Variants in ZNF79 observed in about 807,000 individuals in gnomAD.
The protein encoded by ZNF79 is zinc finger protein 79.
A neutral mutation model predicts 14.9 loss-of-function variants in ZNF79; 13 were observed. That is an observed-to-expected ratio of 0.87 (90% confidence interval 0.57 to 1.38). The LOEUF (loss-of-function observed/expected upper bound fraction) is 1.38, where lower values mean the gene tolerates loss of function less well. Among genes scored for constraint, ZNF79 ranks in the 40% most tolerant of loss-of-function variants. The probability of loss-of-function intolerance (pLI) is 0.00; values close to 1 mark genes in which losing one functional copy is unlikely to be tolerated. For synonymous variants in ZNF79, 223 were observed against 235.1 expected (o/e 0.95, Z 0.47); for missense variants, 631 against 630.6 (o/e 1.00, Z -0.01).
chr9:127,433,571 CAG>C (rs1833897063), intron 2 of ZNF79, among the ~76,000 whole-genome samples: 1 of 152,196 alleles, frequency 6.6e-6, no homozygotes. Context: ...ATGCATTACA[CAG>C]AGTAGGTGCC....
At chr9:127,434,047 A>T (rs1833903916) in intron 2 of ZNF79, among the ~76,000 whole-genome samples, 1 of 152,264 alleles carries the variant, frequency 6.6e-6, no homozygotes, top group East Asian at 1.9e-4. Context: ...GGCTTTTTAC[A>T]TTCTGACCTC....
chr9:127,437,904 A>G (rs1833977929), intron 4 of ZNF79, among the ~76,000 whole-genome samples: 1 of 152,084 alleles, frequency 6.6e-6, no homozygotes, highest in African/African-American at 2.4e-5. Context: ...TGAGGTTGAC[A>G]TGATGTGGGG....
In ZNF79 at chr9:127,444,408, C is replaced by T. The variant is rs1398419428; in HGVS notation, c.708C>T (p.Leu236=). The change falls in exon 5 of 5, where the codon CTC becomes CTT. Residue 236 remains leucine (L), a synonymous_variant. Coordinates refer to ENST00000342483, the MANE Select transcript of ZNF79 (RefSeq NM_007135.3). ...AGGCCTTCAGCCAGAGCTCATCTCT[C>T]ATTCAGCACCAGAGGATTCACACTG... ...CGKAFSQSSS[L]IQHQRIHTGE... is the part of the protein sequence containing the mutation. 4.3e-6 allele frequency: 7 copies of T among 1,612,354 alleles called. No individual in the cohort carries two copies. Among genetic ancestry groups the T allele is most frequent in the South Asian group, 1.1e-5 (1 of 90,950 alleles).
intron 3 of ZNF79, 86 bp downstream of exon 3, chr9:127,435,302 C>A: frequency 7.0e-7 from 1 of 1,432,984 alleles, no homozygotes. Flanking sequence ...GGGTTTCTGA[C>A]TGGTGTGATG....
rs1833929020 is a variant in ZNF79 at position 127,435,335 on chromosome 9, C to T, written c.232+119C>T. On this transcript the variant is annotated intron_variant, in intron 3 of 4. Coordinates refer to ENST00000342483, the MANE Select transcript of ZNF79 (RefSeq NM_007135.3). Reference sequence around the variant, plus strand: ...ATGTACCAGAGGGATGGTGTTTATTCCTCTTGTTCTCTTGGGGAAGGTCTC... The same window carrying T: ...ATGTACCAGAGGGATGGTGTTTATTTCTCTTGTTCTCTTGGGGAAGGTCTC... 9 of 1,227,268 alleles carry T rather than the reference C, an allele frequency of 7.3e-6. No individual in the cohort carries two copies. The South Asian group carries it at 1.6e-4, about 21-fold the overall frequency. 76.0% of individuals were successfully genotyped at this position (1,227,268 alleles called of 1,614,324 possible).
intron 2 of ZNF79, among the ~76,000 whole-genome samples, chr9:127,429,966 C>T (rs553637283): frequency 1.1e-4 from 16 of 151,910 alleles, no homozygotes; most frequent in African/African-American, 3.9e-4. Context: ...ACAGGTGCGC[C>T]CTACCACGCC....
At chr9:127,441,347 T>C (rs960077123) in intron 4 of ZNF79, among the ~76,000 whole-genome samples, 2 of 152,186 alleles carry the variant, frequency 1.3e-5, no homozygotes, top group African/African-American at 4.8e-5. Context: ...CTGGGTCCTT[T>C]ATGTGTCTTA....
At chr9:127,436,841 G>A (rs186136363) in intron 4 of ZNF79, among the ~76,000 whole-genome samples, 1 of 152,284 alleles carries the variant, frequency 6.6e-6, no homozygotes, top group East Asian at 1.9e-4. Context: ...TGGATCACCT[G>A]AGGTTAGGAG....
At chr9:127,433,039 C>T (rs1833888057) in intron 2 of ZNF79, among the ~76,000 whole-genome samples, 1 of 152,104 alleles carries the variant, frequency 6.6e-6, no homozygotes, top group Admixed American at 6.5e-5. Flanking sequence ...GCTTTGGCCT[C>T]CCAAAGTGCT....
At chr9:127,424,839 C>G in intron 1 of ZNF79, 36 bp downstream of exon 1, 1 of 1,613,024 alleles carries the variant, frequency 6.2e-7, no homozygotes, top group Non-Finnish European at 8.5e-7. Flanking sequence ...GTCAAGAGAT[C>G]GGCTGCTGCT....
chr9:127,424,477 T>C lies in ZNF79; in HGVS notation c.-311T>C, dbSNP rs556598792. 6 of 370,458 alleles carry C rather than the reference T, an allele frequency of 1.6e-5. No individual in the cohort carries two copies. The South Asian group carries it at 1.8e-4, about 11-fold the overall frequency. The allele number at this position is 370,458 out of a possible 1,614,324, so 22.9% of individuals were successfully genotyped here. A position where few individuals can be genotyped will look rare whatever the true frequency, so the allele number is the denominator to read the frequency against. On this transcript the variant is annotated 5_prime_UTR_variant, in exon 1 of 5. Transcript: ENST00000342483. The stretch of plus-strand genomic sequence containing the variant: ...GCTCTCGCGGTTGCCGGTAGATTGT[T>C]GCCAGTTGCCAGTTGCCAGTCGTTT...
Position 127,444,095 on chromosome 9 carries a change from G to T in ZNF79, c.395G>T (p.Cys132Phe). ...TCTGAAGCTTCATTCCAAGACCCAT[G>T]TGTAGAGATGCCCCCTGGGGATTCA... ...ALSEASFQDP[C>F]VEMPPGDSDH... is the part of the protein sequence containing the mutation. Residue 132 changes from cysteine to phenylalanine, a missense_variant, in exon 5 of 5, where the codon TGT becomes TTT. Cys to Phe is a radical substitution (Grantham distance 205). Transcript: ENST00000342483. The T allele has an allele frequency of 6.2e-7, 1 of 1,612,618 alleles. No individual in the cohort carries two copies. Among genetic ancestry groups the T allele is most frequent in the Non-Finnish European group, 8.5e-7 (1 of 1,179,940 alleles).
rs770649809 is a variant in ZNF79, at chr9:127,444,181, C to G, written c.481C>G (p.Gln161Glu). 7 of 1,614,086 alleles carry G rather than the reference C, an allele frequency of 4.3e-6. No homozygotes were observed. The South Asian group carries it at 6.6e-5, about 15-fold the overall frequency. Residue 161 changes from glutamine (Q) to glutamate (E), a missense_variant, in exon 5 of 5, where the codon CAG becomes GAG. Transcript: ENST00000342483. The stretch of plus-strand genomic sequence containing the variant: ...TCTGAGACCAGTCCTCTCTCCGCAA[C>G]AGAGAGTGCCCGTGGAAGCGAGACC... ...FNLRPVLSPQQRVPVEARPRK... is the reference protein window; with the variant it reads ...FNLRPVLSPQERVPVEARPRK...
At chr9:127,424,987 A>T (rs1833725280) in intron 1 of ZNF79, 184 bp downstream of exon 1, 1 of 1,446,272 alleles carries the variant, frequency 6.9e-7, no homozygotes, top group Non-Finnish European at 9.1e-7. Context: ...GTGCCCCTAC[A>T]GTCCTTTTTT....
At chr9:127,441,137 C>T (rs1463096820) in intron 4 of ZNF79, among the ~76,000 whole-genome samples, 1 of 151,926 alleles carries the variant, frequency 6.6e-6, no homozygotes, top group Non-Finnish European at 1.5e-5. Flanking sequence ...CTGTCAAACC[C>T]ATAGATGATC....
chr9:127,444,181 C>T lies in ZNF79; in HGVS notation c.481C>T (p.Gln161Ter). 6.2e-7 allele frequency: 1 copy of T among 1,614,086 alleles called. No homozygotes were observed. The highest frequency in any genetic ancestry group is 8.5e-7 in the Non-Finnish European group (1 of 1,180,042). ...FNLRPVLSPQ[Q>*]RVPVEARPRK... ...TCTGAGACCAGTCCTCTCTCCGCAACAGAGAGTGCCCGTGGAAGCGAGACC... is the reference window on the plus strand; with the variant it reads ...TCTGAGACCAGTCCTCTCTCCGCAATAGAGAGTGCCCGTGGAAGCGAGACC... Residue 161 changes from glutamine (Q) to a stop codon, truncating the protein, a stop_gained, in exon 5 of 5, where the codon CAG (glutamine) becomes TAG (stop). Transcript: ENST00000342483. LOFTEE classifies it low-confidence loss of function (END_TRUNC).
chr9:127,425,950 A>G (rs1257913188), intron 1 of ZNF79, among the ~76,000 whole-genome samples: 1 of 152,148 alleles, frequency 6.6e-6, no homozygotes, highest in East Asian at 1.9e-4. Flanking sequence ...TTTCACATCC[A>G]GTATTTTGTG....
At chr9:127,437,623 G>A (rs1196412282) in intron 4 of ZNF79, among the ~76,000 whole-genome samples, 1 of 151,292 alleles carries the variant, frequency 6.6e-6, no homozygotes, top group Non-Finnish European at 1.5e-5. Flanking sequence ...TGAAACTGAG[G>A]TGTCAGCAGG....
intron 4 of ZNF79, among the ~76,000 whole-genome samples, chr9:127,443,436 TA>T (rs1834085752): frequency 6.6e-6 from 1 of 151,998 alleles, no homozygotes; most frequent in African/African-American, 2.4e-5. Flanking sequence ...GTATAGTAAA[TA>T]TATAATCTGG....
Sources: allele counts gnomAD v4.1 joint callset (sites outside exome capture counted in the v4.1 genomes callset), GRCh38; gene constraint gnomAD v4.1.1; transcripts MANE v1.5; gene names NCBI Gene and HGNC (gene_info 2026-07-23, HGNC 2026-07-21).